GYPC: variants seen among roughly 807,000 people sequenced by gnomAD.
The protein encoded by GYPC is glycophorin-C.
Under a neutral mutation model 12.6 loss-of-function variants are expected in GYPC, and 14 were observed. The ratio of observed to expected loss-of-function variants is 1.11; its 90% CI spans 0.74 to 1.74. The LOEUF is 1.74. GYPC is among the 40% of genes most tolerant of loss of function. GYPC has a pLI of 0.00. For missense variants in GYPC, 225 were observed against 172.1 expected (o/e 1.31, Z -1.72); for synonymous variants, 78 against 62.1 (o/e 1.26, Z -1.20).
chr2:126,663,950 GTCTCTCTCTCTCTCTCTCTCTCTCTCTC>G (rs61649506), intron 1 of GYPC, among the ~76,000 whole-genome samples: 8 of 129,934 alleles, frequency 6.2e-5, no homozygotes, highest in East Asian at 4.4e-4. Flanking sequence ...TAAGGTTCTG[GTCTCTCTCTCTCTCTCTCTCTCTCTCTC>G]TCTCTCTCTC....
intron 1 of GYPC, among the ~76,000 whole-genome samples, chr2:126,682,477 G>T (rs780436616): frequency 4.6e-5 from 7 of 152,178 alleles, no homozygotes; most frequent in Non-Finnish European, 7.3e-5. Context: ...CCTCCACTGT[G>T]CCCGGTCCTC....
chr2:126,677,485 G>C (rs1478003711), intron 1 of GYPC, among the ~76,000 whole-genome samples: 4 of 95,520 alleles, frequency 4.2e-5, no homozygotes. Context: ...GAGCACGTGT[G>C]AGTCTGAGTG....
intron 3 of GYPC, among the ~76,000 whole-genome samples, chr2:126,694,613 A>T (rs1683586677): frequency 6.6e-6 from 1 of 152,278 alleles, no homozygotes; most frequent in Middle Eastern, 3.4e-3. Flanking sequence ...TCTCCAACTC[A>T]TTGCACCACT....
At chr2:126,686,060 G>A in intron 1 of GYPC, 1 of 985,014 alleles carries the variant, frequency 1.0e-6, no homozygotes, top group Non-Finnish European at 1.2e-6. Flanking sequence ...TATGGCAGAG[G>A]GGAGCCATAG....
chr2:126,682,526 G>A (rs552115791), intron 1 of GYPC, among the ~76,000 whole-genome samples: 8 of 152,102 alleles, frequency 5.3e-5, no homozygotes, highest in African/African-American at 1.7e-4. Context: ...CCTGGTTGCC[G>A]CTCACTCTCA....
At chr2:126,677,437 A>T (rs1333996490) in intron 1 of GYPC, among the ~76,000 whole-genome samples, 1 of 133,080 alleles carries the variant, frequency 7.5e-6, no homozygotes, top group African/African-American at 2.8e-5. Context: ...GTGAGAGAGT[A>T]GGAGTGTGTG....
intron 1 of GYPC, among the ~76,000 whole-genome samples, chr2:126,683,493 G>C (rs529502103): frequency 6.6e-6 from 1 of 152,150 alleles, no homozygotes; most frequent in Non-Finnish European, 1.5e-5. Flanking sequence ...CTGTTGTCAG[G>C]ATCCTGGACT....
intron 1 of GYPC, among the ~76,000 whole-genome samples, chr2:126,659,485 G>A (rs1481297864): frequency 6.6e-6 from 1 of 152,318 alleles, no homozygotes; most frequent in African/African-American, 2.4e-5. Context: ...TCCCATCTGT[G>A]AGTGGGAATG....
intron 3 of GYPC, 108 bp downstream of exon 3, chr2:126,694,055 T>C: frequency 1.3e-6 from 1 of 784,432 alleles, no homozygotes; most frequent in South Asian, 1.4e-5. Context: ...CTGTGGCCAT[T>C]TTTTCTCTCC....
chr2:126,663,691 C>T (rs1307887420), intron 1 of GYPC, among the ~76,000 whole-genome samples: 1 of 152,192 alleles, frequency 6.6e-6, no homozygotes, highest in African/African-American at 2.4e-5. Context: ...CCCTGGGCCC[C>T]AGCATTCACT....
At chr2:126,676,793 T>C (rs1399679102) in intron 1 of GYPC, among the ~76,000 whole-genome samples, 2 of 152,102 alleles carry the variant, frequency 1.3e-5, no homozygotes, top group Non-Finnish European at 2.9e-5. Context: ...GAGAGATGGC[T>C]TTTTCTCCCT....
chr2:126,661,261 C>T (rs7574360), intron 1 of GYPC, among the ~76,000 whole-genome samples: 12,357 of 152,064 alleles, frequency 0.081, 914 homozygotes, highest in African/African-American at 0.2. Flanking sequence ...GTGCCTGCCT[C>T]GCCTGGCATC....
intron 1 of GYPC, among the ~76,000 whole-genome samples, chr2:126,689,473 T>C (rs1226178983): frequency 3.9e-4 from 59 of 151,742 alleles, no homozygotes; most frequent in African/African-American, 1.3e-3. Flanking sequence ...ATGTTGAAAT[T>C]TGGTTCCCAA....
intron 1 of GYPC, among the ~76,000 whole-genome samples, chr2:126,689,656 C>G (rs1382959224): frequency 2.6e-5 from 4 of 151,984 alleles, no homozygotes; most frequent in Non-Finnish European, 5.9e-5. Flanking sequence ...TTTCTAAACT[C>G]TCTTGCTTTC....
rs1264606309 is a variant in GYPC, at chr2:126,690,215, T to A, written c.50-40T>A. 4.6e-6 allele frequency: 7 copies of A among 1,511,216 alleles called. No individual in the cohort carries two copies. In the South Asian group the frequency reaches 5.6e-5, roughly 12 times the overall value. 93.6% of individuals were successfully genotyped at this position (1,511,216 alleles called of 1,614,324 possible). A position where few individuals can be genotyped will look rare whatever the true frequency, so the allele number is the denominator to read the frequency against. On this transcript the variant is annotated intron_variant, in intron 1 of 3. Transcript: ENST00000259254. ...CCAAGGTGCTGCTAGGCATGGAGAG[T>A]CTTCCTCTCTGACCTCAGATTCTTG... is the stretch of plus-strand genomic sequence containing the variant.
At chr2:126,657,438 C>T (rs1166913647) in intron 1 of GYPC, among the ~76,000 whole-genome samples, 1 of 152,252 alleles carries the variant, frequency 6.6e-6, no homozygotes, top group Non-Finnish European at 1.5e-5. Context: ...GGAATAATAA[C>T]AGGAGATAAC....
intron 1 of GYPC, 122 bp downstream of exon 1, chr2:126,656,434 G>C: frequency 1.3e-6 from 1 of 798,204 alleles, no homozygotes; most frequent in African/African-American, 1.8e-5. Context: ...GCCTCCAGGC[G>C]GAGGAGGCGT....
At chr2:126,676,220 G>A (rs1249672750) in intron 1 of GYPC, among the ~76,000 whole-genome samples, 1 of 152,230 alleles carries the variant, frequency 6.6e-6, no homozygotes, top group Non-Finnish European at 1.5e-5. Flanking sequence ...ACACCAGTCT[G>A]ACAGAAGAGT....
At chr2:126,665,679 A>G (rs1421374435) in intron 1 of GYPC, among the ~76,000 whole-genome samples, 1 of 152,252 alleles carries the variant, frequency 6.6e-6, no homozygotes, top group Non-Finnish European at 1.5e-5. Context: ...GCAAAGCACT[A>G]CAGCAGACTC....
Sources: allele counts gnomAD v4.1 joint callset (sites outside exome capture counted in the v4.1 genomes callset), GRCh38; gene constraint gnomAD v4.1.1; transcripts MANE v1.5; gene names NCBI Gene and HGNC (gene_info 2026-07-23, HGNC 2026-07-21).